The following STK32B variants were observed in gnomAD, a reference collection of about 807,000 sequenced individuals.
STK32B encodes the protein serine/threonine kinase 32B.
In STK32B, 43 loss-of-function variants were observed where a neutral mutation model predicts 52.6. The observed-to-expected ratio is 0.82, with a 90% CI of 0.64 to 1.05. STK32B has a LOEUF of 1.05. Among genes scored for constraint, STK32B ranks in the 50% least tolerant of loss-of-function variants. The probability of loss-of-function intolerance (pLI) is 0.00; values close to 1 mark genes in which losing one functional copy is unlikely to be tolerated. For missense variants in STK32B, 621 were observed against 534.6 expected, an observed-to-expected ratio of 1.16 and a Z score of -1.59; for synonymous variants, 238 against 204.3, an observed-to-expected ratio of 1.17 and a Z score of -1.41.
intron 3 of STK32B, among the ~76,000 whole-genome samples, chr4:5,308,058 T>G (rs1730045167): frequency 6.6e-6 from 1 of 152,002 alleles, no homozygotes; most frequent in South Asian, 2.1e-4. Context: ...TATGTGAGGG[T>G]CCTCGGTTGT....
chr4:5,241,041 T>C (rs73081666), intron 3 of STK32B, among the ~76,000 whole-genome samples: 6,857 of 152,142 alleles, frequency 0.045, 480 homozygotes, highest in African/African-American at 0.15. Context: ...TACTGTTTTA[T>C]TGTACACATT....
chr4:5,195,755 A>T (rs557100522), intron 3 of STK32B, among the ~76,000 whole-genome samples: 96 of 152,198 alleles, frequency 6.3e-4, no homozygotes, highest in Non-Finnish European at 7.9e-4. Flanking sequence ...TGGAAAAGAA[A>T]GTTGGGAAGG....
chr4:5,403,070 T>C (rs1476317797), intron 5 of STK32B, among the ~76,000 whole-genome samples: 1 of 152,202 alleles, frequency 6.6e-6, no homozygotes, highest in Admixed American at 6.5e-5. Context: ...ATTTCTTGTA[T>C]TTTCTGTATT....
intron 1 of STK32B, among the ~76,000 whole-genome samples, chr4:5,095,844 G>A (rs924623082): frequency 6.6e-6 from 1 of 152,160 alleles, no homozygotes; most frequent in Non-Finnish European, 1.5e-5. Context: ...TGCCAATGGA[G>A]TGGTTAAGTC....
At chr4:5,250,148 A>T (rs535115370) in intron 3 of STK32B, among the ~76,000 whole-genome samples, 1 of 152,042 alleles carries the variant, frequency 6.6e-6, no homozygotes, top group African/African-American at 2.4e-5. Context: ...TTCTTTATCC[A>T]GTCTGCTATT....
intron 1 of STK32B, among the ~76,000 whole-genome samples, chr4:5,127,319 C>T (rs1715464289): frequency 6.6e-6 from 1 of 152,158 alleles, no homozygotes. Context: ...TGGTGAGGTT[C>T]ACCTGGTGTG....
chr4:5,143,145 A>G (rs1259321816), intron 2 of STK32B, among the ~76,000 whole-genome samples: 7 of 144,872 alleles, frequency 4.8e-5, no homozygotes, highest in South Asian at 2.2e-4. Flanking sequence ...CTGTCTGTCT[A>G]TCTGTCCATA....
chr4:5,304,015 C>G (rs1560299942), intron 3 of STK32B, among the ~76,000 whole-genome samples: 1 of 152,064 alleles, frequency 6.6e-6, no homozygotes, highest in African/African-American at 2.4e-5. Flanking sequence ...TTTGAGTTCT[C>G]TATTCTGTTC....
chr4:5,102,342 A>G (rs941791253), intron 1 of STK32B, among the ~76,000 whole-genome samples: 1 of 152,150 alleles, frequency 6.6e-6, no homozygotes, highest in African/African-American at 2.4e-5. Context: ...GAGGTGTTCA[A>G]ACCAAGAGAG....
chr4:5,271,032 G>T (rs1414326095), intron 3 of STK32B, among the ~76,000 whole-genome samples: 1 of 146,466 alleles, frequency 6.8e-6, no homozygotes, highest in Admixed American at 6.8e-5. Flanking sequence ...CTGCCTCCCA[G>T]ATTCAAGCAA....
intron 3 of STK32B, among the ~76,000 whole-genome samples, chr4:5,169,834 C>G (rs953627621): frequency 2.6e-5 from 4 of 152,280 alleles, no homozygotes; most frequent in African/African-American, 9.6e-5. Context: ...AAAAATTACC[C>G]AGAAGCTCTT....
chr4:5,121,744 G>T (rs764794908), intron 1 of STK32B, among the ~76,000 whole-genome samples: 4 of 152,104 alleles, frequency 2.6e-5, no homozygotes, highest in Non-Finnish European at 5.9e-5. Flanking sequence ...GAAGGGATGA[G>T]GCTGGAGTGG....
At chr4:5,133,027 A>C (rs929887999) in intron 1 of STK32B, among the ~76,000 whole-genome samples, 6 of 152,016 alleles carry the variant, frequency 3.9e-5, no homozygotes, top group African/African-American at 1.4e-4. Context: ...GGAACCCCTG[A>C]CCTCAAGTGA....
intron 3 of STK32B, among the ~76,000 whole-genome samples, chr4:5,321,354 C>A (rs1382159888): frequency 6.6e-6 from 1 of 152,146 alleles, no homozygotes; most frequent in Non-Finnish European, 1.5e-5. Context: ...CCCATTCTTT[C>A]ATTCAATGCC....
intron 3 of STK32B, among the ~76,000 whole-genome samples, chr4:5,174,688 C>T (rs1227081663): frequency 6.6e-6 from 1 of 152,184 alleles, no homozygotes; most frequent in Non-Finnish European, 1.5e-5. Flanking sequence ...GGTTGATGGG[C>T]TTCCCTTTGT....
rs1716935939 is a variant in STK32B at position 5,460,306 on chromosome 4, C to G, written c.909+78C>G. On this transcript the variant is annotated intron_variant, in intron 9 of 11. Transcript: ENST00000282908. The surrounding 1 kb of genome is among the most constrained non-coding windows in gnomAD (Gnocchi z 4.8). ...TTGGTGCAAAGCAAGACTTTGGCAGCTGGCTAGTGAGCCCTCTGCTGGCCA... is the reference window on the plus strand; with the variant it reads ...TTGGTGCAAAGCAAGACTTTGGCAGGTGGCTAGTGAGCCCTCTGCTGGCCA... 6.5e-7 allele frequency: 1 copy of G among 1,535,440 alleles called. No individual in the cohort carries two copies. The highest frequency in any genetic ancestry group is 8.8e-7 in the Non-Finnish European group (1 of 1,141,544).
At chr4:5,089,563 C>T (rs1712935097) in intron 1 of STK32B, among the ~76,000 whole-genome samples, 1 of 152,194 alleles carries the variant, frequency 6.6e-6, no homozygotes. Flanking sequence ...ATATGTGCCA[C>T]ATTTTCTTTA....
At chr4:5,176,734 G>A (rs1719934548) in intron 3 of STK32B, among the ~76,000 whole-genome samples, 1 of 152,134 alleles carries the variant, frequency 6.6e-6, no homozygotes, top group South Asian at 2.1e-4. Context: ...ATGAGTCACT[G>A]TGCCCAGCCT....
intron 3 of STK32B, among the ~76,000 whole-genome samples, chr4:5,267,299 T>A (rs1727116071): frequency 6.6e-6 from 1 of 152,154 alleles, no homozygotes; most frequent in African/African-American, 2.4e-5. Flanking sequence ...TTCAGTTCAG[T>A]CTTTATATTT....
Sources: allele counts gnomAD v4.1 joint callset (sites outside exome capture counted in the v4.1 genomes callset), GRCh38; gene constraint gnomAD v4.1.1; non-coding constraint Gnocchi (gnomAD v3.1); transcripts MANE v1.5; gene names NCBI Gene and HGNC (gene_info 2026-07-23, HGNC 2026-07-21).